The following DCAF17 variants were observed in gnomAD, a reference collection of about 807,000 sequenced individuals.
DCAF17 encodes the protein DDB1 and CUL4 associated factor 17.
Under a neutral mutation model 66.0 loss-of-function variants are expected in DCAF17, and 48 were observed. The observed-to-expected ratio is 0.73, with a 90% CI of 0.58 to 0.92. DCAF17 has a LOEUF of 0.92. DCAF17 is among the 40% of genes least tolerant of loss of function. The pLI is 0.00. For synonymous variants in DCAF17, 206 were observed against 214.6 expected (o/e 0.96, Z 0.35); for missense variants, 562 against 622.8 (o/e 0.90, Z 1.04).
At position 171,459,085 on chromosome 2, in the gene DCAF17, G is replaced by A. The variant is rs554830342; in HGVS notation, c.838+608G>A. 3.9e-4 allele frequency among the ~76,000 whole-genome samples: 60 copies of A among 152,090 alleles called. 1 individual carries two copies. Among genetic ancestry groups the A allele is most frequent in the Admixed American group, 1.3e-3 (20 of 15,264 alleles). On this transcript the variant is annotated intron_variant, in intron 8 of 13. Transcript: ENST00000375255. ...AGCACTTTGGGAGGCTGAGGCGGGC[G>A]GATCACTTGAGGTTGGGAGTTTGAG... is the stretch of plus-strand genomic sequence containing the variant.
At position 171,434,576 on chromosome 2, in the gene DCAF17, C is replaced by T. The variant is rs1266114780; in HGVS notation, c.-2C>T. 4 of 1,527,074 alleles carry T rather than the reference C, an allele frequency of 2.6e-6. No individual in the cohort carries two copies. The highest frequency in any genetic ancestry group is 2.8e-5 in the African/African-American group (2 of 71,988). 94.6% of individuals were successfully genotyped at this position (1,527,074 alleles called of 1,614,324 possible). A position where few individuals can be genotyped will look rare whatever the true frequency, so the allele number is the denominator to read the frequency against. On this transcript the variant is annotated 5_prime_UTR_variant, in exon 1 of 14. Coordinates refer to ENST00000375255, the MANE Select transcript of DCAF17 (RefSeq NM_025000.4). ...CCTACCCAGGGCCCGGCCCGCGCCT[C>T]CATGGGCCCGACCCGGAAGCCCAAC...
chr2:171,465,626 C>A lies in DCAF17; in HGVS notation c.839-3262C>A, dbSNP rs143796647. 9.9e-3 allele frequency among the ~76,000 whole-genome samples: 1,506 copies of A among 152,148 alleles called. 25 individuals carry two copies. Among genetic ancestry groups the A allele is most frequent in the African/African-American group, 0.034 (1,417 of 41,514 alleles). On this transcript the variant is annotated intron_variant, in intron 8 of 13. Transcript: ENST00000375255. ...TCCTGGGTAGCTGGGACTACAGGCA[C>A]ACACCACCACACCTGGCTAATTGTT...
chr2:171,442,096 T>C (rs1159345934), intron 2 of DCAF17, among the ~76,000 whole-genome samples: 3 of 152,202 alleles, frequency 2.0e-5, no homozygotes, highest in African/African-American at 7.2e-5. Context: ...TAATGTCCAA[T>C]GGTGTTTTAT....
Position 171,434,557 on chromosome 2 carries a change from C to T in DCAF17, c.-21C>T. 6.6e-7 allele frequency: 1 copy of T among 1,525,128 alleles called. No homozygotes were observed. Among genetic ancestry groups the T allele is most frequent in the Non-Finnish European group, 8.8e-7 (1 of 1,141,558 alleles). The allele number at this position is 1,525,128 out of a possible 1,614,324, so 94.5% of individuals were successfully genotyped here. A position where few individuals can be genotyped will look rare whatever the true frequency, so the allele number is the denominator to read the frequency against. ...GCGCCACTCGGCGGCCCAGCCTACC[C>T]AGGGCCCGGCCCGCGCCTCCATGGG... On this transcript the variant is annotated 5_prime_UTR_variant, in exon 1 of 14. Coordinates refer to ENST00000375255, the MANE Select transcript of DCAF17 (RefSeq NM_025000.4).
chr2:171,449,785 C>T (rs1694841763), intron 4 of DCAF17, 94 bp from the exon 5 acceptor site: 2 of 803,512 alleles, frequency 2.5e-6, no homozygotes, highest in South Asian at 2.1e-5. Context: ...ATTTAAATAA[C>T]TAAAAAATAG....
intron 6 of DCAF17, 117 bp from the exon 7 acceptor site, chr2:171,457,854 G>A: frequency 1.2e-6 from 1 of 856,142 alleles, no homozygotes; most frequent in Admixed American, 1.7e-5. Context: ...TTTAATGCTA[G>A]GCGGCAGTGT....
At chr2:171,443,670 G>C in intron 3 of DCAF17, 57 bp downstream of exon 3, 1 of 1,406,064 alleles carries the variant, frequency 7.1e-7, no homozygotes, top group Non-Finnish European at 1.0e-6. Context: ...AGAAGAACCA[G>C]TTATTATTAA....
Position 171,482,543 on chromosome 2 carries a change from A to G in DCAF17, c.*1429A>G, listed in dbSNP as rs1400314252. 6.6e-6 allele frequency: 3 copies of G among 454,008 alleles called. No individual in the cohort carries two copies. Among genetic ancestry groups the G allele is most frequent in the African/African-American group, 6.0e-5 (3 of 50,014 alleles). 28.1% of individuals were successfully genotyped at this position (454,008 alleles called of 1,614,324 possible). A position where few individuals can be genotyped will look rare whatever the true frequency, so the allele number is the denominator to read the frequency against. ...CAGTAAGAGGCCAGTGAAAGTACTA[A>G]AGAAAGAAACCAATGTTGTGTGAGT... is the stretch of plus-strand genomic sequence containing the variant. On this transcript the variant is annotated 3_prime_UTR_variant, in exon 14 of 14. Coordinates refer to ENST00000375255, the MANE Select transcript of DCAF17 (RefSeq NM_025000.4).
At chr2:171,471,479 GAT>G (rs1347975442) in intron 9 of DCAF17, among the ~76,000 whole-genome samples, 2 of 152,144 alleles carry the variant, frequency 1.3e-5, no homozygotes, top group African/African-American at 4.8e-5. Flanking sequence ...CTCCTAAAAA[GAT>G]ATGTATAGTA....
chr2:171,453,207 CA>C lies in DCAF17; in HGVS notation c.626del (p.Lys209ArgfsTer16). The C allele has an allele frequency of 6.2e-7, 1 of 1,608,678 alleles. No homozygotes were observed. Among genetic ancestry groups the C allele is most frequent in the Non-Finnish European group, 8.5e-7 (1 of 1,176,416 alleles). ...FSLVGILEIN[K>X]KIFGNVTDAT... Reference sequence around the variant, plus strand: ...CACTTGTAGGGATTCTAGAGATCAACAAAAAGGTAAGAACTCATTTCTTATT... The same window carrying C: ...CACTTGTAGGGATTCTAGAGATCAACAAAAGGTAAGAACTCATTTCTTATT... On this transcript the variant is annotated frameshift_variant, in exon 6 of 14. Transcript: ENST00000375255. LOFTEE classifies it high-confidence loss of function.
At chr2:171,480,897 G>T in intron 13 of DCAF17, 77 bp from the exon 14 acceptor site, 1 of 1,541,376 alleles carries the variant, frequency 6.5e-7, no homozygotes, top group South Asian at 1.1e-5. Context: ...CCTAGCATAG[G>T]TACTGTGACA....
chr2:171,478,768 G>C (rs1368658485), intron 12 of DCAF17, among the ~76,000 whole-genome samples: 2 of 152,188 alleles, frequency 1.3e-5, no homozygotes, highest in Non-Finnish European at 2.9e-5. Flanking sequence ...AAATAGGTTA[G>C]AGGTGGCCCA....
At chr2:171,457,481 G>A (rs1310830954) in intron 6 of DCAF17, among the ~76,000 whole-genome samples, 1 of 152,202 alleles carries the variant, frequency 6.6e-6, no homozygotes, top group Non-Finnish European at 1.5e-5. Context: ...ACTTGGGATT[G>A]AAGAACATCT....
chr2:171,473,211 GGAA>G (rs1463961574), intron 9 of DCAF17, among the ~76,000 whole-genome samples: 1 of 152,172 alleles, frequency 6.6e-6, no homozygotes, highest in Non-Finnish European at 1.5e-5. Flanking sequence ...AGGGAAGAGA[GGAA>G]GAAGTTGTGG....
chr2:171,457,052 T>C (rs1230075082), intron 6 of DCAF17, among the ~76,000 whole-genome samples: 1 of 152,250 alleles, frequency 6.6e-6, no homozygotes, highest in Non-Finnish European at 1.5e-5. Context: ...ATCCTTGTCT[T>C]GTGCTGGTTT....
At chr2:171,478,790 T>C (rs1201472900) in intron 12 of DCAF17, among the ~76,000 whole-genome samples, 1 of 152,176 alleles carries the variant, frequency 6.6e-6, no homozygotes, top group Non-Finnish European at 1.5e-5. Context: ...TATGTAGCTG[T>C]TCTCAAAAAA....
chr2:171,464,445 C>T (rs1351195526), intron 8 of DCAF17, among the ~76,000 whole-genome samples: 1 of 152,172 alleles, frequency 6.6e-6, no homozygotes, highest in Non-Finnish European at 1.5e-5. Flanking sequence ...TCTCACTTTT[C>T]CATGGCCTTT....
At chr2:171,467,949 C>T (rs1003238960) in intron 8 of DCAF17, among the ~76,000 whole-genome samples, 2 of 152,038 alleles carry the variant, frequency 1.3e-5, no homozygotes, top group Non-Finnish European at 2.9e-5. Flanking sequence ...AGACAAGCCC[C>T]TTTACTAATA....
At chr2:171,468,561 G>A (rs974458092) in intron 8 of DCAF17, among the ~76,000 whole-genome samples, 2 of 152,064 alleles carry the variant, frequency 1.3e-5, no homozygotes, top group Non-Finnish European at 2.9e-5. Context: ...ATAAATGTCC[G>A]CTACTTTTAT....
Sources: gnomAD v4.1 joint callset for allele counts (sites outside exome capture counted in the v4.1 genomes callset) on GRCh38, gnomAD v4.1.1 for gene constraint, MANE v1.5 for transcripts, NCBI Gene and HGNC (gene_info 2026-07-23, HGNC 2026-07-21) for gene names.